Variants in SNTG1 observed in about 807,000 individuals in gnomAD.
The protein encoded by SNTG1 is gamma-1-syntrophin.
A neutral mutation model predicts 74.7 loss-of-function variants in SNTG1; 39 were observed. The observed-to-expected ratio is 0.52, with a 90% confidence interval of 0.40 to 0.68. The LOEUF (loss-of-function observed/expected upper bound fraction) is 0.68. SNTG1 is among the 30% of genes least tolerant of loss of function. The pLI is 0.00. For missense variants in SNTG1, 685 were observed against 609.5 expected, an observed-to-expected ratio of 1.12 and a Z score of -1.30; for synonymous variants, 254 against 217.1, an observed-to-expected ratio of 1.17 and a Z score of -1.49.
chr8:50,001,146 G>A (rs754351950), intron 1 of SNTG1, among the ~76,000 whole-genome samples: 6 of 152,302 alleles, frequency 3.9e-5, no homozygotes, highest in Non-Finnish European at 8.8e-5. Flanking sequence ...TGAGTGGGGA[G>A]TGGGTGTGCA....
At chr8:49,987,403 A>G (rs1032449060) in intron 1 of SNTG1, among the ~76,000 whole-genome samples, 1 of 152,188 alleles carries the variant, frequency 6.6e-6, no homozygotes, top group Non-Finnish European at 1.5e-5. Flanking sequence ...TCAAAGGCAT[A>G]CTGCAGGATA....
intron 18 of SNTG1, among the ~76,000 whole-genome samples, chr8:50,776,312 C>T (rs949445961): frequency 3.3e-5 from 5 of 149,864 alleles, no homozygotes; most frequent in Non-Finnish European, 5.9e-5. Flanking sequence ...TCTTCACATT[C>T]TAGTGAAATC....
At chr8:50,647,969 C>T (rs1049144072) in intron 13 of SNTG1, among the ~76,000 whole-genome samples, 2 of 151,984 alleles carry the variant, frequency 1.3e-5, no homozygotes, top group African/African-American at 4.8e-5. Context: ...GAAGAATGTA[C>T]TGAAACTGCT....
intron 11 of SNTG1, among the ~76,000 whole-genome samples, chr8:50,539,108 A>G (rs192047594): frequency 6.6e-6 from 1 of 152,092 alleles, no homozygotes; most frequent in African/African-American, 2.4e-5. Context: ...CATTTTTAGG[A>G]TGGTTACTGT....
intron 2 of SNTG1, among the ~76,000 whole-genome samples, chr8:50,200,335 C>T (rs1462343656): frequency 6.6e-6 from 1 of 152,110 alleles, no homozygotes; most frequent in African/African-American, 2.4e-5. Context: ...CACTTAAGCT[C>T]CTGAAGACTA....
At chr8:50,687,452 T>C (rs1323323973) in intron 15 of SNTG1, among the ~76,000 whole-genome samples, 1 of 152,180 alleles carries the variant, frequency 6.6e-6, no homozygotes, top group Non-Finnish European at 1.5e-5. Flanking sequence ...AGACATTTCA[T>C]GCAAATAGAA....
chr8:50,794,597 C>A lies in SNTG1; in HGVS notation c.*1768C>A, dbSNP rs939219541. The A allele has an allele frequency of 6.6e-6, 1 of 151,824 alleles. No individual in the cohort carries two copies. Among genetic ancestry groups the A allele is most frequent in the Non-Finnish European group, 1.5e-5 (1 of 67,906 alleles). 9.4% of individuals were successfully genotyped at this position (151,824 alleles called of 1,614,324 possible). On this transcript the variant is annotated 3_prime_UTR_variant, in exon 19 of 19. Coordinates refer to ENST00000642720, the MANE Select transcript of SNTG1 (RefSeq NM_018967.5). ...ACAACAGTCATTGTAAAATTGAAAC[C>A]CACCAAAAGCAGCCTTCAGTAGTAG...
rs149953444 is a variant in SNTG1 at position 50,724,258 on chromosome 8, A to T, written c.1284+15280A>T. Among the ~76,000 whole-genome samples the T allele has an allele frequency of 2.0e-3, 300 of 152,284 alleles. 3 individuals are homozygous for T. The highest frequency in any genetic ancestry group is 7.1e-3 in the African/African-American group (293 of 41,548). On this transcript the variant is annotated intron_variant, in intron 17 of 18. Coordinates refer to ENST00000642720, the MANE Select transcript of SNTG1 (RefSeq NM_018967.5). Reference sequence around the variant, plus strand: ...TATAGATAATCACAAACAAAGCAACAGAGGTGCCAAATGATTTTAAGTAAG... The same window carrying T: ...TATAGATAATCACAAACAAAGCAACTGAGGTGCCAAATGATTTTAAGTAAG...
In SNTG1 at chr8:50,650,825, C is replaced by T. The variant is rs543314239; in HGVS notation, c.850-6084C>T. 1.7e-3 allele frequency among the ~76,000 whole-genome samples: 252 copies of T among 152,138 alleles called. 1 individual carries two copies. The highest frequency in any genetic ancestry group is 5.1e-3 in the African/African-American group (213 of 41,498). ...AAGTGATTCTCCTGCCTCAGTCTCC[C>T]GAGCAGCTGGGATTACAAGCATCTG... On this transcript the variant is annotated intron_variant, in intron 13 of 18. Transcript: ENST00000642720.
intron 1 of SNTG1, among the ~76,000 whole-genome samples, chr8:50,105,472 C>T (rs995790551): frequency 1.3e-5 from 2 of 151,460 alleles, no homozygotes; most frequent in African/African-American, 4.8e-5. Context: ...ATGTCTTCAG[C>T]TTTTTTGTTT....
At chr8:50,515,401 T>C (rs1173693004) in intron 9 of SNTG1, among the ~76,000 whole-genome samples, 1 of 105,256 alleles carries the variant, frequency 9.5e-6, no homozygotes, top group Admixed American at 9.1e-5. Context: ...TTTTTTTTTT[T>C]TTTTTTTTTT....
chr8:50,601,569 G>A (rs190708422), intron 13 of SNTG1, among the ~76,000 whole-genome samples: 5 of 152,122 alleles, frequency 3.3e-5, no homozygotes, highest in Admixed American at 2.0e-4. Context: ...AATAATCTAT[G>A]TGCTGAGGAG....
intron 13 of SNTG1, among the ~76,000 whole-genome samples, chr8:50,592,626 A>G (rs762975451): frequency 1.0e-4 from 15 of 149,048 alleles, no homozygotes; most frequent in Non-Finnish European, 1.8e-4. Flanking sequence ...TAACACTATA[A>G]TATTCTGACA....
intron 8 of SNTG1, among the ~76,000 whole-genome samples, chr8:50,479,262 T>G (rs1415035003): frequency 6.6e-6 from 1 of 151,358 alleles, no homozygotes. Context: ...ACACTTGGCT[T>G]TTTTTTTTCT....
At chr8:50,072,785 T>G (rs932876422) in intron 1 of SNTG1, among the ~76,000 whole-genome samples, 1 of 152,210 alleles carries the variant, frequency 6.6e-6, no homozygotes, top group Admixed American at 6.5e-5. Context: ...ATAAGGTGAA[T>G]ATTGTAATAA....
At chr8:50,787,765 T>C (rs951589565) in intron 18 of SNTG1, among the ~76,000 whole-genome samples, 2 of 152,026 alleles carry the variant, frequency 1.3e-5, no homozygotes, top group African/African-American at 2.4e-5. Flanking sequence ...ATGTGTATGA[T>C]ACTATTTATA....
chr8:50,645,292 G>A (rs568048261), intron 13 of SNTG1, among the ~76,000 whole-genome samples: 30 of 151,860 alleles, frequency 2.0e-4, no homozygotes, highest in Admixed American at 3.3e-4. Flanking sequence ...TGGGTTTATC[G>A]TTTTAGTTTT....
intron 1 of SNTG1, among the ~76,000 whole-genome samples, chr8:49,984,503 C>A (rs1402129498): frequency 6.6e-6 from 1 of 151,974 alleles, no homozygotes; most frequent in African/African-American, 2.4e-5. Context: ...CTGCGCCCAG[C>A]CTAGATAGGG....
At chr8:50,209,912 G>C (rs1035345764) in intron 2 of SNTG1, among the ~76,000 whole-genome samples, 1 of 152,060 alleles carries the variant, frequency 6.6e-6, no homozygotes, top group East Asian at 1.9e-4. Flanking sequence ...TAGATGACTG[G>C]TAATAAGAAA....
Sources: gnomAD v4.1 joint callset for allele counts (sites outside exome capture counted in the v4.1 genomes callset) on GRCh38, gnomAD v4.1.1 for gene constraint, MANE v1.5 for transcripts, NCBI Gene and HGNC (gene_info 2026-07-23, HGNC 2026-07-21) for gene names.